Variants in SMURF2 observed in about 807,000 individuals in gnomAD.
The protein encoded by SMURF2 is SMAD specific E3 ubiquitin protein ligase 2, also known as E3 ubiquitin-protein ligase SMURF2.
A neutral mutation model predicts 109.6 loss-of-function variants in SMURF2; 48 were observed. The observed-to-expected ratio is 0.44, with a 90% CI of 0.35 to 0.56. SMURF2 has a LOEUF of 0.56. Among genes scored for constraint, SMURF2 ranks in the 20% least tolerant of loss-of-function variants. The probability of loss-of-function intolerance (pLI) is 0.01; values close to 1 mark genes in which losing one functional copy is unlikely to be tolerated. For synonymous variants in SMURF2, 288 were observed against 317.1 expected, an observed-to-expected ratio of 0.91 and a Z score of 0.97; for missense variants, 575 against 909.0, an observed-to-expected ratio of 0.63 and a Z score of 4.72.
chr17:64,641,954 A>C (rs1370137484), intron 1 of SMURF2, among the ~76,000 whole-genome samples: 1 of 152,090 alleles, frequency 6.6e-6, no homozygotes, highest in African/African-American at 2.4e-5. Context: ...TTACAGGTGC[A>C]TGCCGCCATG....
chr17:64,630,698 T>C (rs1970326647), intron 1 of SMURF2, among the ~76,000 whole-genome samples: 1 of 152,184 alleles, frequency 6.6e-6, no homozygotes, highest in African/African-American at 2.4e-5. Flanking sequence ...ATTATAAGAA[T>C]TTTGCCTCTC....
At chr17:64,641,663 A>AG (rs1377941228) in intron 1 of SMURF2, among the ~76,000 whole-genome samples, 2 of 152,174 alleles carry the variant, frequency 1.3e-5, no homozygotes, top group Non-Finnish European at 2.9e-5. Context: ...CCATGTAGAC[A>AG]GACCACATGG....
chr17:64,546,566 A>G (rs1174380937), intron 17 of SMURF2, among the ~76,000 whole-genome samples: 1 of 152,242 alleles, frequency 6.6e-6, no homozygotes, highest in African/African-American at 2.4e-5. Context: ...CCATTTGAGA[A>G]AAAACTCAAG....
chr17:64,584,666 ACTTT>A (rs1969628189), intron 6 of SMURF2, among the ~76,000 whole-genome samples: 2 of 152,146 alleles, frequency 1.3e-5, no homozygotes, highest in African/African-American at 4.8e-5. Flanking sequence ...CAAGACTGCT[ACTTT>A]CTATCAACTC....
chr17:64,580,969 G>T lies in SMURF2; in HGVS notation c.592C>A (p.Pro198Thr). The change falls in exon 8 of 19, where the codon CCT (proline) becomes ACT (threonine). Residue 198 changes from proline (P) to threonine (T), a missense_variant. Around this residue, in one of 5 missense-constraint regions of SMURF2, gnomAD observed 151 missense variants for 178.4 expected, o/e 0.85. Transcript: ENST00000262435. ...PTRPASEYSS[P>T]GRPLSCFVDE... The stretch of plus-strand genomic sequence containing the variant: ...ACAAAGCAGCTAAGAGGTCTGCCAG[G>T]GCTAGAATATTCGGATGCCGGTCTA... The T allele has an allele frequency of 6.2e-7, 1 of 1,614,030 alleles. No homozygotes were observed. Among genetic ancestry groups the T allele is most frequent in the South Asian group, 1.1e-5 (1 of 91,082 alleles).
chr17:64,544,952 A>AT lies in SMURF2; in HGVS notation c.*895dup, dbSNP rs2144578675. Reference sequence around the variant, plus strand: ...ATTAAAGATAAGCTGACCCAGCAAAATAACGAAAATCCCATCCCATCCACA... The same window carrying AT: ...ATTAAAGATAAGCTGACCCAGCAAAATTAACGAAAATCCCATCCCATCCACA... On this transcript the variant is annotated 3_prime_UTR_variant, in exon 19 of 19. Coordinates refer to ENST00000262435, the MANE Select transcript of SMURF2 (RefSeq NM_022739.4). The AT allele has an allele frequency of 6.5e-6, 1 of 152,762 alleles. No homozygotes were observed. The highest frequency in any genetic ancestry group is 2.4e-5 in the African/African-American group (1 of 41,588). The allele number at this position is 152,762 out of a possible 1,614,324, so 9.5% of individuals were successfully genotyped here.
In SMURF2 at chr17:64,544,460, G is replaced by C. The variant is rs1968917416; in HGVS notation, c.*1388C>G. ...ACATCAATGTAAAAAAAAACTGATA[G>C]TACATATTTTTGATGGTTGAATTTA... On this transcript the variant is annotated 3_prime_UTR_variant, in exon 19 of 19. Transcript: ENST00000262435. The C allele has an allele frequency of 6.6e-6, 1 of 152,040 alleles. No homozygotes were observed. Among genetic ancestry groups the C allele is most frequent in the African/African-American group, 2.4e-5 (1 of 41,366 alleles). 9.4% of individuals were successfully genotyped at this position (152,040 alleles called of 1,614,324 possible). A position where few individuals can be genotyped will look rare whatever the true frequency, so the allele number is the denominator to read the frequency against.
At position 64,545,218 on chromosome 17, in the gene SMURF2, A is replaced by G. The variant is rs1968930239; in HGVS notation, c.*630T>C. On this transcript the variant is annotated 3_prime_UTR_variant, in exon 19 of 19. Coordinates refer to ENST00000262435, the MANE Select transcript of SMURF2 (RefSeq NM_022739.4). ...CTGTATTCCAGGAAATCCGTTCTTG[A>G]AAAATGTAAAAAAGACCCACTTAGA... 1 of 152,634 alleles carries G rather than the reference A, an allele frequency of 6.6e-6. No individual in the cohort carries two copies. The highest frequency in any genetic ancestry group is 2.1e-4 in the South Asian group (1 of 4,830). 9.5% of individuals were successfully genotyped at this position (152,634 alleles called of 1,614,324 possible).
intron 1 of SMURF2, among the ~76,000 whole-genome samples, chr17:64,634,661 G>C (rs1970391662): frequency 6.6e-6 from 1 of 152,100 alleles, no homozygotes; most frequent in Non-Finnish European, 1.5e-5. Context: ...ACTGTCTCCT[G>C]TTCTTTCTGC....
chr17:64,550,775 A>AG (rs1969033531), intron 16 of SMURF2, among the ~76,000 whole-genome samples: 2 of 150,352 alleles, frequency 1.3e-5, no homozygotes, highest in African/African-American at 5.0e-5. Context: ...AAAAAAAAAA[A>AG]AAGAGAGAGA....
At chr17:64,644,628 G>A (rs566219919) in intron 1 of SMURF2, among the ~76,000 whole-genome samples, 1 of 150,150 alleles carries the variant, frequency 6.7e-6, no homozygotes, top group African/African-American at 2.5e-5. Flanking sequence ...AAAATGCTGA[G>A]TAGCCAGGCA....
At chr17:64,561,288 T>G (rs1439876613) in intron 12 of SMURF2, among the ~76,000 whole-genome samples, 1 of 152,186 alleles carries the variant, frequency 6.6e-6, no homozygotes, top group African/African-American at 2.4e-5. Context: ...CTCATGGGAC[T>G]CAGATGGTCT....
chr17:64,609,445 C>T (rs1970013067), intron 1 of SMURF2, among the ~76,000 whole-genome samples: 1 of 152,118 alleles, frequency 6.6e-6, no homozygotes, highest in Non-Finnish European at 1.5e-5. Context: ...TGTAACAGAA[C>T]AGAGGCCTCA....
chr17:64,635,526 C>T (rs1970405246), intron 1 of SMURF2, among the ~76,000 whole-genome samples: 1 of 152,078 alleles, frequency 6.6e-6, no homozygotes, highest in African/African-American at 2.4e-5. Flanking sequence ...CATCCCCTAG[C>T]AACCTGAAAA....
chr17:64,619,217 G>A (rs1380998336), intron 1 of SMURF2, among the ~76,000 whole-genome samples: 1 of 152,060 alleles, frequency 6.6e-6, no homozygotes, highest in Non-Finnish European at 1.5e-5. Flanking sequence ...GGTGGCTCAT[G>A]CCTGTAATAC....
At chr17:64,566,009 AC>A (rs1202634315) in intron 10 of SMURF2, among the ~76,000 whole-genome samples, 2 of 152,180 alleles carry the variant, frequency 1.3e-5, no homozygotes, top group Non-Finnish European at 2.9e-5. Context: ...AGAGAGAAAA[AC>A]AATAAAAACC....
intron 5 of SMURF2, among the ~76,000 whole-genome samples, chr17:64,590,314 T>C (rs1168335730): frequency 9.2e-5 from 14 of 151,972 alleles, no homozygotes; most frequent in Non-Finnish European, 1.5e-4. Context: ...GCTCATTTTT[T>C]GTATTTTTAG....
At chr17:64,638,062 CTT>C (rs1195172818) in intron 1 of SMURF2, among the ~76,000 whole-genome samples, 57 of 102,426 alleles carry the variant, frequency 5.6e-4, no homozygotes, top group African/African-American at 1.9e-3. Flanking sequence ...TTTCCTTTTT[CTT>C]TTTTTTTTTT....
rs914060371 is a variant in SMURF2, at chr17:64,661,857, C to A, written c.24G>T (p.Arg8Ser). The A allele has an allele frequency of 9.0e-6, 11 of 1,217,666 alleles. No homozygotes were observed. The highest frequency in any genetic ancestry group is 1.6e-5 in the African/African-American group (1 of 63,578). 75.4% of individuals were successfully genotyped at this position (1,217,666 alleles called of 1,614,324 possible). ...TCAGGCGCAGCTTGACGGGCCCGTT[C>A]CTCCGGCCTCCGGGGTTAGACATGT... The part of the protein sequence containing the change: MSNPGGR[R>S]NGPVKLRLTV... Residue 8 changes from arginine (R) to serine (S), a missense_variant, in exon 1 of 19, where the codon AGG becomes AGT. Arg to Ser is a moderately radical substitution (Grantham distance 110). This residue lies in a region of SMURF2 where 30 missense variants were observed against 34.5 expected (regional missense o/e 0.87). Coordinates refer to ENST00000262435, the MANE Select transcript of SMURF2 (RefSeq NM_022739.4).
Sources: allele counts gnomAD v4.1 joint callset (sites outside exome capture counted in the v4.1 genomes callset), GRCh38; gene constraint gnomAD v4.1.1; regional missense constraint gnomAD v4.1.1; transcripts MANE v1.5; gene names NCBI Gene and HGNC (gene_info 2026-07-23, HGNC 2026-07-21).